DRC9: variants seen among roughly 807,000 people sequenced by gnomAD.
DRC9 encodes the protein dynein regulatory complex subunit 9.
the DRC9 span, among the ~76,000 whole-genome samples, chr3:197,944,328 A>C: frequency 6.7e-6 from 1 of 148,722 alleles, no homozygotes; most frequent in Non-Finnish European, 1.5e-5. Flanking sequence ...GTGCTATCTC[A>C]GCTCACCGCA....
the DRC9 span, chr3:197,953,385 A>G: frequency 2.2e-6 from 1 of 455,246 alleles, no homozygotes; most frequent in South Asian, 1.6e-5. Context: ...TTTAAAGGAA[A>G]TATATATAAA....
At chr3:197,946,434 CAAAAAA>C in the DRC9 span, among the ~76,000 whole-genome samples, 1 of 72,640 alleles carries the variant, frequency 1.4e-5, no homozygotes, top group African/African-American at 4.3e-5. Flanking sequence ...GACTCCGTCT[CAAAAAA>C]AAAAAAAAAA....
chr3:197,943,982 G>A, the DRC9 span: 38 of 1,613,872 alleles, frequency 2.4e-5, no homozygotes, highest in South Asian at 1.4e-4. Context: ...TAGGTGGTTC[G>A]CCTGTCACTG....
At chr3:197,904,108 A>AT in the DRC9 span, among the ~76,000 whole-genome samples, 234 of 38,686 alleles carry the variant, frequency 6.0e-3, 2 homozygotes, top group African/African-American at 0.02. Context: ...ATATATATAT[A>AT]TATTTTTTTT....
the DRC9 span, chr3:197,951,482 A>G: frequency 1.4e-6 from 1 of 691,684 alleles, no homozygotes; most frequent in African/African-American, 1.8e-5. Flanking sequence ...CCTCCCGAGT[A>G]GCTGGGATTA....
At chr3:197,910,177 G>C in the DRC9 span, among the ~76,000 whole-genome samples, 1 of 152,108 alleles carries the variant, frequency 6.6e-6, no homozygotes, top group African/African-American at 2.4e-5. Flanking sequence ...GTGCACACCT[G>C]TAGTCCCAGC....
At chr3:197,935,902 A>G in the DRC9 span, among the ~76,000 whole-genome samples, 13 of 152,170 alleles carry the variant, frequency 8.5e-5, no homozygotes, top group Admixed American at 4.6e-4. Context: ...CTTCTACTTC[A>G]TAGAATGAGG....
chr3:197,933,168 C>T, the DRC9 span, among the ~76,000 whole-genome samples: 1 of 149,514 alleles, frequency 6.7e-6, no homozygotes, highest in African/African-American at 2.5e-5. Context: ...AGAAGTCACA[C>T]AAGTTAAGAC....
the DRC9 span, chr3:197,906,429 CTG>C: frequency 6.6e-6 from 1 of 151,834 alleles, no homozygotes; most frequent in African/African-American, 2.4e-5. Flanking sequence ...GACAAAAAAA[CTG>C]TTTTTCTTTT....
chr3:197,928,727 T>C, the DRC9 span, among the ~76,000 whole-genome samples: 11 of 151,876 alleles, frequency 7.2e-5, no homozygotes, highest in African/African-American at 2.7e-4. Flanking sequence ...CACAAAGAGA[T>C]TGGGAGAAGA....
At chr3:197,917,596 G>A in the DRC9 span, among the ~76,000 whole-genome samples, 1 of 152,170 alleles carries the variant, frequency 6.6e-6, no homozygotes, top group East Asian at 1.9e-4. Context: ...GCCCAGGCTG[G>A]AGTGCCTGGC....
the DRC9 span, chr3:197,938,854 A>C: frequency 4.9e-6 from 5 of 1,021,794 alleles, no homozygotes; most frequent in Non-Finnish European, 7.5e-6. Context: ...CTTTGTGTAC[A>C]TTTTTCAACA....
the DRC9 span, among the ~76,000 whole-genome samples, chr3:197,935,162 C>T: frequency 1.3e-5 from 2 of 152,008 alleles, no homozygotes; most frequent in African/African-American, 2.4e-5. Context: ...ATTTTGTGGC[C>T]GGGCGCAGTG....
chr3:197,925,971 T>C, the DRC9 span: 1 of 916,242 alleles, frequency 1.1e-6, no homozygotes, highest in Non-Finnish European at 1.8e-6. Flanking sequence ...CTTCCATATA[T>C]TTAATAGCTG....
the DRC9 span, chr3:197,892,549 A>C: frequency 6.4e-7 from 1 of 1,554,562 alleles, no homozygotes; most frequent in Non-Finnish European, 8.8e-7. Flanking sequence ...GAGTGCCCTA[A>C]TTCCTTCCAC....
chr3:197,913,734 C>T, the DRC9 span: 1 of 862,634 alleles, frequency 1.2e-6, no homozygotes, highest in South Asian at 1.4e-5. Context: ...CTCATTTAGG[C>T]TTTTATTTTC....
the DRC9 span, chr3:197,955,886 C>T: frequency 5.3e-6 from 5 of 951,830 alleles, no homozygotes; most frequent in East Asian, 1.2e-4. Flanking sequence ...ATAGAGGTTG[C>T]TCAGCATTTT....
the DRC9 span, among the ~76,000 whole-genome samples, chr3:197,929,613 A>C: frequency 6.6e-6 from 1 of 152,148 alleles, no homozygotes; most frequent in Non-Finnish European, 1.5e-5. This position sits in a 1 kb window ranked among gnomAD's most constrained non-coding sequence, Gnocchi z 4.6. Context: ...CTCTAAAAAA[A>C]CAAACAAAAA....
At chr3:197,938,215 G>A in the DRC9 span, among the ~76,000 whole-genome samples, 1 of 151,542 alleles carries the variant, frequency 6.6e-6, no homozygotes, top group African/African-American at 2.4e-5. Context: ...TCTTCAGGAG[G>A]CTGAGGCAGG....
Sources: allele counts gnomAD v4.1 joint callset (sites outside exome capture counted in the v4.1 genomes callset), GRCh38; gene constraint gnomAD v4.1.1; non-coding constraint Gnocchi (gnomAD v3.1); transcripts MANE v1.5; gene names NCBI Gene and HGNC (gene_info 2026-07-23, HGNC 2026-07-21).